Variants in RNF180 observed in about 807,000 individuals in gnomAD.
RNF180 encodes ring finger protein 180.
Under a neutral mutation model 59.2 loss-of-function variants are expected in RNF180, and 38 were observed. The observed-to-expected ratio is 0.64, with a 90% CI of 0.50 to 0.84. The LOEUF (loss-of-function observed/expected upper bound fraction) is 0.84. RNF180 is among the 40% of genes least tolerant of loss of function. The pLI, the probability that RNF180 is intolerant of heterozygous loss-of-function variation, is 0.00. For missense variants in RNF180, 705 were observed against 700.9 expected, an observed-to-expected ratio of 1.01 and a Z score of -0.07; for synonymous variants, 262 against 240.3, an observed-to-expected ratio of 1.09 and a Z score of -0.84.
chr5:64,165,716 G>A (rs527261344), upstream of RNF180: 1 of 152,326 alleles, frequency 6.6e-6, no homozygotes, highest in South Asian at 2.1e-4. Context: ...CAGACGTGGG[G>A]CGAGCAGGGC....
chr5:64,343,881 A>C (rs1264077674), intron 7 of RNF180, among the ~76,000 whole-genome samples: 2 of 151,694 alleles, frequency 1.3e-5, no homozygotes, highest in Non-Finnish European at 2.9e-5. Context: ...TCCTAGCTGG[A>C]AGCACAGAAC....
chr5:64,360,976 C>G (rs1042164148), intron 7 of RNF180, among the ~76,000 whole-genome samples: 9 of 151,630 alleles, frequency 5.9e-5, no homozygotes, highest in African/African-American at 1.9e-4. Context: ...AACCTATACT[C>G]TGCTCCAAAT....
In RNF180 at chr5:64,350,828, G is replaced by A. The variant is rs534381001; in HGVS notation, c.1580-18787G>A. Among the ~76,000 whole-genome samples the A allele has an allele frequency of 1.5e-3, 225 of 152,260 alleles. 3 individuals carry two copies. The highest frequency in any genetic ancestry group is 2.8e-3 in the Non-Finnish European group (189 of 68,028). On this transcript the variant is annotated intron_variant, in intron 7 of 7. Transcript: ENST00000389100. Reference sequence around the variant, plus strand: ...TTACTGTAGCCTTGTAGTATAGTTTGAAGTCAGGTAGCATGATGCCTCCAG... The same window carrying A: ...TTACTGTAGCCTTGTAGTATAGTTTAAAGTCAGGTAGCATGATGCCTCCAG...
At chr5:64,224,056 G>T (rs192187537) in intron 5 of RNF180, among the ~76,000 whole-genome samples, 15 of 144,332 alleles carry the variant, frequency 1.0e-4, no homozygotes, top group African/African-American at 4.0e-4. Flanking sequence ...AGTTGATCTA[G>T]GTTGGGGTGT....
intron 5 of RNF180, among the ~76,000 whole-genome samples, chr5:64,288,967 C>T (rs893077799): frequency 6.6e-6 from 1 of 152,108 alleles, no homozygotes; most frequent in African/African-American, 2.4e-5. Flanking sequence ...TTATCTTGTA[C>T]CGGTTTTCAA....
Position 64,213,966 on chromosome 5 carries a change from C to G in RNF180, c.640C>G (p.Leu214Val), listed in dbSNP as rs1248106691. 1 of 1,614,080 alleles carries G rather than the reference C, an allele frequency of 6.2e-7. No individual in the cohort carries two copies. ...EPKYQLFVPQ[L>V]VTGRCATRAF... ...AAAATACCAGCTTTTTGTTCCCCAG[C>G]TTGTGACTGGCAGATGCGCTACAAG... is the stretch of plus-strand genomic sequence containing the variant. The change falls in exon 4 of 8, where the codon CTT becomes GTT. Residue 214 changes from leucine (L) to valine (V), a missense_variant. Transcript: ENST00000389100.
At chr5:64,331,436 C>T (rs533639293) in intron 7 of RNF180, among the ~76,000 whole-genome samples, 1 of 152,296 alleles carries the variant, frequency 6.6e-6, no homozygotes, top group Admixed American at 6.5e-5. Context: ...GCACTTCCTC[C>T]CCTCTTTAGC....
chr5:64,350,669 C>G (rs1322791660), intron 7 of RNF180, among the ~76,000 whole-genome samples: 2 of 152,088 alleles, frequency 1.3e-5, no homozygotes, highest in Non-Finnish European at 2.9e-5. Flanking sequence ...ATAGGGAATC[C>G]TTTCCCCATG....
At chr5:64,248,736 C>T (rs1392635583) in intron 5 of RNF180, among the ~76,000 whole-genome samples, 2 of 152,190 alleles carry the variant, frequency 1.3e-5, no homozygotes, top group African/African-American at 4.8e-5. Flanking sequence ...TACCTTTTGA[C>T]CCAGCAGTCT....
chr5:64,358,969 A>C (rs1480672904), intron 7 of RNF180, among the ~76,000 whole-genome samples: 4 of 151,402 alleles, frequency 2.6e-5, no homozygotes, highest in Admixed American at 2.0e-4. Context: ...TGAACTCATC[A>C]TTTTTTATGG....
At position 64,371,556 on chromosome 5, in the gene RNF180, G is replaced by T. The variant is rs1449295774; in HGVS notation, c.*1742G>T. The stretch of plus-strand genomic sequence containing the variant: ...CAAAGTTGATTCCCAATATATATTT[G>T]TTAGGTCAGTGATACATATCAGTTT... On this transcript the variant is annotated 3_prime_UTR_variant, in exon 8 of 8. Transcript: ENST00000389100. 1.3e-5 allele frequency: 2 copies of T among 151,386 alleles called. No homozygotes were observed. Among genetic ancestry groups the T allele is most frequent in the African/African-American group, 4.8e-5 (2 of 41,314 alleles). The allele number at this position is 151,386 out of a possible 1,614,324, so 9.4% of individuals were successfully genotyped here.
chr5:64,344,448 A>G (rs1360190305), intron 7 of RNF180, among the ~76,000 whole-genome samples: 2 of 152,222 alleles, frequency 1.3e-5, no homozygotes, highest in Non-Finnish European at 1.5e-5. Context: ...ACAAAGGTTG[A>G]TAGAATTAAA....
At chr5:64,215,649 GTTTAAC>G (rs576548570) in intron 4 of RNF180, among the ~76,000 whole-genome samples, 26 of 152,150 alleles carry the variant, frequency 1.7e-4, no homozygotes, top group African/African-American at 2.6e-4. Flanking sequence ...ATACTTCATA[GTTTAAC>G]TTAAACTGTA....
intron 7 of RNF180, among the ~76,000 whole-genome samples, chr5:64,344,243 TA>T (rs1029227279): frequency 2.0e-5 from 3 of 151,966 alleles, no homozygotes; most frequent in African/African-American, 7.2e-5. Flanking sequence ...AGGTTGGAAG[TA>T]TAGAAAATTA....
intron 7 of RNF180, among the ~76,000 whole-genome samples, chr5:64,363,278 T>G (rs1046061103): frequency 2.0e-5 from 3 of 151,928 alleles, no homozygotes; most frequent in Non-Finnish European, 4.4e-5. Flanking sequence ...ATATATGGTG[T>G]AAGTAAGGGG....
At chr5:64,310,080 C>T (rs1743685529) in intron 5 of RNF180, among the ~76,000 whole-genome samples, 1 of 151,592 alleles carries the variant, frequency 6.6e-6, no homozygotes, top group Admixed American at 6.6e-5. Context: ...CAGCATTACC[C>T]TCATATCAAA....
Position 64,334,924 on chromosome 5 carries a change from T to C in RNF180, c.1579+4518T>C, listed in dbSNP as rs116522904. On this transcript the variant is annotated intron_variant, in intron 7 of 7. Coordinates refer to ENST00000389100, the MANE Select transcript of RNF180 (RefSeq NM_001113561.2). ...GAATAAATGCCAGGTAGAAACTGGC[T>C]GGGTCATAGGAAAAGCACATCTTTA... 5.1e-3 allele frequency among the ~76,000 whole-genome samples: 782 copies of C among 152,326 alleles called. 6 individuals carry two copies. Among genetic ancestry groups the C allele is most frequent in the African/African-American group, 0.017 (724 of 41,578 alleles).
At chr5:64,204,741 A>G (rs1751930041) in intron 2 of RNF180, among the ~76,000 whole-genome samples, 1 of 152,076 alleles carries the variant, frequency 6.6e-6, no homozygotes, top group Non-Finnish European at 1.5e-5. Flanking sequence ...TGTGAGGGGA[A>G]ATGTTTTTTC....
chr5:64,226,626 C>T (rs562977627), intron 5 of RNF180, among the ~76,000 whole-genome samples: 1 of 151,968 alleles, frequency 6.6e-6, no homozygotes, highest in South Asian at 2.1e-4. Context: ...CTGCCACATC[C>T]CCCTCTCTGA....
Sources: allele counts gnomAD v4.1 joint callset (sites outside exome capture counted in the v4.1 genomes callset), GRCh38; gene constraint gnomAD v4.1.1; transcripts MANE v1.5; gene names NCBI Gene and HGNC (gene_info 2026-07-23, HGNC 2026-07-21).